The following ROR1 variants were observed in gnomAD, a reference collection of about 807,000 sequenced individuals.
ROR1 encodes ROR family WNT receptor 1.
A neutral mutation model predicts 78.8 loss-of-function variants in ROR1; 19 were observed. That is an observed-to-expected ratio of 0.24 (90% CI 0.17 to 0.35). The LOEUF is 0.35. Ranked by LOEUF, ROR1 falls within the 10% of genes least tolerant of loss-of-function variation. The pLI is 1.00. For missense variants in ROR1, 917 were observed against 1,177.8 expected (o/e 0.78, Z 3.24); for synonymous variants, 386 against 433.6 (o/e 0.89, Z 1.36).
chr1:63,835,743 A>G (rs1645015597), intron 1 of ROR1, among the ~76,000 whole-genome samples: 1 of 152,234 alleles, frequency 6.6e-6, no homozygotes, highest in African/African-American at 2.4e-5. Context: ...GAAAGAGAAT[A>G]TGATCTCATT....
intron 1 of ROR1, among the ~76,000 whole-genome samples, chr1:63,785,844 G>T (rs1192148297): frequency 6.6e-6 from 1 of 152,030 alleles, no homozygotes. Context: ...AACAATTTTC[G>T]ATGATGTTCT....
At chr1:63,860,204 T>A (rs543804861) in intron 1 of ROR1, among the ~76,000 whole-genome samples, 2 of 152,310 alleles carry the variant, frequency 1.3e-5, no homozygotes, top group South Asian at 4.1e-4. Flanking sequence ...TTCACCACAC[T>A]GACACTGAGT....
chr1:63,917,781 G>A (rs1427287446), intron 1 of ROR1, among the ~76,000 whole-genome samples: 1 of 152,160 alleles, frequency 6.6e-6, no homozygotes, highest in Non-Finnish European at 1.5e-5. Context: ...GTATTGGACA[G>A]TTAAGGAGTT....
chr1:63,936,220 TGAA>T (rs1012311006), intron 1 of ROR1, among the ~76,000 whole-genome samples: 4 of 152,188 alleles, frequency 2.6e-5, no homozygotes, highest in African/African-American at 7.2e-5. Flanking sequence ...CAGAAATAAG[TGAA>T]GAAGATCTAT....
chr1:64,036,505 C>T (rs982099482), intron 2 of ROR1, among the ~76,000 whole-genome samples: 2 of 152,160 alleles, frequency 1.3e-5, no homozygotes, highest in Non-Finnish European at 2.9e-5. Flanking sequence ...CTCTGTGCCT[C>T]TTGGGTCTAT....
At chr1:63,797,382 C>G (rs1644767358) in intron 1 of ROR1, among the ~76,000 whole-genome samples, 1 of 152,174 alleles carries the variant, frequency 6.6e-6, no homozygotes. Flanking sequence ...GTTTGTCTCT[C>G]TGGTGCTCTG....
intron 4 of ROR1, among the ~76,000 whole-genome samples, chr1:64,088,995 T>C (rs1427477265): frequency 6.6e-6 from 1 of 152,066 alleles, no homozygotes; most frequent in South Asian, 2.1e-4. Flanking sequence ...TTTAAGAATT[T>C]TTTTTACTAT....
At chr1:63,950,626 G>A (rs1296407410) in intron 1 of ROR1, among the ~76,000 whole-genome samples, 1 of 152,132 alleles carries the variant, frequency 6.6e-6, no homozygotes, top group Non-Finnish European at 1.5e-5. Context: ...GGAATACAGG[G>A]CAGGAGCTTT....
At chr1:64,062,128 C>G (rs956363214) in intron 4 of ROR1, among the ~76,000 whole-genome samples, 48 of 152,272 alleles carry the variant, frequency 3.2e-4, no homozygotes, top group African/African-American at 1.1e-3. Context: ...CAGTAGCAGA[C>G]TCTACTTGCC....
At chr1:64,031,304 A>G (rs1164448481) in intron 2 of ROR1, among the ~76,000 whole-genome samples, 1 of 152,186 alleles carries the variant, frequency 6.6e-6, no homozygotes, top group Non-Finnish European at 1.5e-5. Context: ...AGAAAATGGT[A>G]ATATGCATGA....
rs1332488315 is a variant in ROR1, at chr1:64,177,685, G to A, written c.1644G>A (p.Val548=). 2 of 1,614,186 alleles carry A rather than the reference G, an allele frequency of 1.2e-6. No individual in the cohort carries two copies. The highest frequency in any genetic ancestry group is 1.7e-6 in the Non-Finnish European group (2 of 1,180,030). The part of the protein sequence containing the change: ...LLGAVTQEQP[V]CMLFEYINQG... ...GTGCCGTCACTCAGGAACAACCTGTGTGCATGCTTTTTGAGTATATTAATC... is the reference window on the plus strand; with the variant it reads ...GTGCCGTCACTCAGGAACAACCTGTATGCATGCTTTTTGAGTATATTAATC... The change falls in exon 9 of 9, where the codon GTG becomes GTA. Residue 548 remains valine, a synonymous_variant. Transcript: ENST00000371079.
At chr1:64,035,006 C>A (rs1010820701) in intron 2 of ROR1, among the ~76,000 whole-genome samples, 1 of 152,152 alleles carries the variant, frequency 6.6e-6, no homozygotes, top group Admixed American at 6.5e-5. Context: ...TAAAGTGACA[C>A]CAAAATCCTC....
At chr1:63,796,726 G>A (rs890698609) in intron 1 of ROR1, among the ~76,000 whole-genome samples, 1 of 152,130 alleles carries the variant, frequency 6.6e-6, no homozygotes, top group Non-Finnish European at 1.5e-5. Context: ...TGCCTCCTTT[G>A]TGTTTTGGGC....
At chr1:64,113,130 A>G (rs564848401) in intron 4 of ROR1, among the ~76,000 whole-genome samples, 34 of 151,614 alleles carry the variant, frequency 2.2e-4, no homozygotes, top group Non-Finnish European at 4.6e-4. Flanking sequence ...GTGCCCCTCA[A>G]CCTGCATCTT....
intron 4 of ROR1, among the ~76,000 whole-genome samples, chr1:64,131,892 A>T (rs980961927): frequency 6.6e-6 from 1 of 152,136 alleles, no homozygotes; most frequent in Non-Finnish European, 1.5e-5. Context: ...AAGTGCGGGG[A>T]TTATAGGCAT....
intron 7 of ROR1, among the ~76,000 whole-genome samples, chr1:64,144,429 C>T (rs1292732311): frequency 6.6e-6 from 1 of 152,102 alleles, no homozygotes; most frequent in Non-Finnish European, 1.5e-5. Context: ...AGCATATCTA[C>T]TTAACAAAAG....
intron 1 of ROR1, among the ~76,000 whole-genome samples, chr1:63,840,187 G>A (rs1645040704): frequency 6.6e-6 from 1 of 151,900 alleles, no homozygotes; most frequent in Non-Finnish European, 1.5e-5. Context: ...ACTGTGTTTG[G>A]TATGAAGCAT....
At chr1:63,896,186 T>C (rs182390579) in intron 1 of ROR1, among the ~76,000 whole-genome samples, 4 of 152,318 alleles carry the variant, frequency 2.6e-5, no homozygotes, top group Admixed American at 6.5e-5. Flanking sequence ...TTCTATCAGA[T>C]TGTTAAAAAA....
chr1:63,788,760 C>T, intron 1 of ROR1: 2 of 498,208 alleles, frequency 4.0e-6, no homozygotes, highest in South Asian at 1.9e-5. Context: ...TGATGATTTC[C>T]TCCTTCTTGA....
Sources: allele counts gnomAD v4.1 joint callset (sites outside exome capture counted in the v4.1 genomes callset), GRCh38; gene constraint gnomAD v4.1.1; transcripts MANE v1.5; gene names NCBI Gene and HGNC (gene_info 2026-07-23, HGNC 2026-07-21).